The following IP6K1 variants were observed in gnomAD, a reference collection of about 807,000 sequenced individuals.
IP6K1 encodes inositol hexakisphosphate kinase 1, also known as ATP:1D-myo-inositol-hexakisphosphate phosphotransferase.
Under a neutral mutation model 38.3 loss-of-function variants are expected in IP6K1, and 13 were observed. That is an observed-to-expected ratio of 0.34 (90% CI 0.22 to 0.54). The LOEUF (loss-of-function observed/expected upper bound fraction) is 0.54. IP6K1 is among the 20% of genes least tolerant of loss of function. The pLI is 0.92. For synonymous variants in IP6K1, 212 were observed against 229.9 expected (o/e 0.92, Z 0.70); for missense variants, 397 against 599.8 (o/e 0.66, Z 3.53).
intron 1 of IP6K1, among the ~76,000 whole-genome samples, chr3:49,779,447 G>T (rs1230237358): frequency 6.6e-6 from 1 of 152,104 alleles, no homozygotes; most frequent in Non-Finnish European, 1.5e-5. Flanking sequence ...GTTTTTGTGT[G>T]AACATTTGTT....
chr3:49,765,106 A>G (rs543235765), intron 1 of IP6K1, among the ~76,000 whole-genome samples: 8 of 152,186 alleles, frequency 5.3e-5, no homozygotes, highest in Non-Finnish European at 1.0e-4. Flanking sequence ...GATAACATAT[A>G]TAAGTCCTAA....
intron 1 of IP6K1, among the ~76,000 whole-genome samples, chr3:49,774,162 T>A (rs1352694336): frequency 6.6e-6 from 1 of 151,914 alleles, no homozygotes; most frequent in East Asian, 1.9e-4. Flanking sequence ...TCCCAGCACT[T>A]TGGGAGGCCA....
At chr3:49,778,775 A>T (rs1398981340) in intron 1 of IP6K1, among the ~76,000 whole-genome samples, 22 of 152,040 alleles carry the variant, frequency 1.4e-4, no homozygotes, top group Non-Finnish European at 1.5e-5. Context: ...ACAGTCACGC[A>T]CCACCACGCC....
At chr3:49,742,582 TG>T (rs1418365065) in intron 2 of IP6K1, among the ~76,000 whole-genome samples, 4 of 150,644 alleles carry the variant, frequency 2.7e-5, no homozygotes, top group African/African-American at 9.8e-5. Flanking sequence ...AGAAGCATAG[TG>T]GAAGATATTA....
chr3:49,774,014 CACACAA>C (rs754483135), intron 1 of IP6K1, among the ~76,000 whole-genome samples: 144 of 141,726 alleles, frequency 1.0e-3, no homozygotes, highest in Admixed American at 1.6e-3. Context: ...CACACACACA[CACACAA>C]CACACACATA....
In IP6K1 at chr3:49,757,125, C is replaced by A. The variant is rs538816135; in HGVS notation, c.-128-8957G>T. On this transcript the variant is annotated intron_variant, in intron 1 of 5. Coordinates refer to ENST00000321599, the MANE Select transcript of IP6K1 (RefSeq NM_153273.4). Reference sequence around the variant, plus strand: ...AACTGCTCACATGTGAAATGATGAGCCTCCTGGACTTATTTCCTATCACCA... The same window carrying A: ...AACTGCTCACATGTGAAATGATGAGACTCCTGGACTTATTTCCTATCACCA... 2.0e-5 allele frequency among the ~76,000 whole-genome samples: 3 copies of A among 152,308 alleles called. No homozygotes were observed. The South Asian group carries it at 6.2e-4, about 32-fold the overall frequency.
intron 1 of IP6K1, chr3:49,785,880 C>T (rs552189175): frequency 7.1e-4 from 108 of 152,368 alleles, no homozygotes; most frequent in African/African-American, 2.5e-3. Context: ...TTGCCATAAT[C>T]ATAGGGCCGT....
At position 49,755,098 on chromosome 3, in the gene IP6K1, T is replaced by C. The variant is rs1362620518; in HGVS notation, c.-128-6930A>G. The stretch of plus-strand genomic sequence containing the variant: ...CAGGTGTGTGCCACCAAGCCTGGCT[T>C]TTTTTTTTTTTTTTTTTTTGTAGAG... On this transcript the variant is annotated intron_variant, in intron 1 of 5. Coordinates refer to ENST00000321599, the MANE Select transcript of IP6K1 (RefSeq NM_153273.4). Among the ~76,000 whole-genome samples, 13 of 143,172 alleles carry C rather than the reference T, an allele frequency of 9.1e-5. No individual in the cohort carries two copies. In the East Asian group the frequency reaches 2.6e-3, roughly 29 times the overall value. The allele number at this position is 143,172 out of a possible 152,430, so 93.9% of individuals were successfully genotyped here.
intron 1 of IP6K1, chr3:49,775,269 G>A (rs760847535): frequency 5.3e-5 from 11 of 207,272 alleles, no homozygotes; most frequent in South Asian, 1.1e-4. Flanking sequence ...TCTAGCGGCC[G>A]GCTTCATTGG....
rs374592396 is a variant in IP6K1 at position 49,728,196 on chromosome 3, G to A, written c.699C>T (p.Gly233=). 5.6e-6 allele frequency: 9 copies of A among 1,614,070 alleles called. No homozygotes were observed. Among genetic ancestry groups the A allele is most frequent in the South Asian group, 4.4e-5 (4 of 91,082 alleles). ...CTGCCTTCTCAGCTGACGCGTCATC[G>A]CCATGCTGCCGCGTGCCCATCTTCA... ...LDLKMGTRQH[G]DDASAEKAAR... The change falls in exon 5 of 6, where the codon GGC becomes GGT. Residue 233 remains glycine, a synonymous_variant. Coordinates refer to ENST00000321599, the MANE Select transcript of IP6K1 (RefSeq NM_153273.4).
At position 49,732,915 on chromosome 3, in the gene IP6K1, G is replaced by C; in HGVS notation, c.492C>G (p.Phe164Leu). ...VELHSHSEVP[F>L]QMLDGNSGLS... ...AGCCACTGTTGCCATCTAGCATCTGGAAAGGGACCTCTGAGTGGCTGTGCA... is the reference window on the plus strand; with the variant it reads ...AGCCACTGTTGCCATCTAGCATCTGCAAAGGGACCTCTGAGTGGCTGTGCA... Residue 164 changes from phenylalanine (F) to leucine (L), a missense_variant, in exon 4 of 6, where the codon TTC becomes TTG. Physicochemically the swap from Phe to Leu is conservative, Grantham distance 22 (BLOSUM62 0). This residue lies in a region of IP6K1 where 171 missense variants were observed against 237.0 expected (regional missense o/e 0.72). Coordinates refer to ENST00000321599, the MANE Select transcript of IP6K1 (RefSeq NM_153273.4). 1 of 1,614,136 alleles carries C rather than the reference G, an allele frequency of 6.2e-7. No homozygotes were observed. Among genetic ancestry groups the C allele is most frequent in the Non-Finnish European group, 8.5e-7 (1 of 1,179,986 alleles).
At chr3:49,753,733 G>C (rs1309892427) in intron 1 of IP6K1, among the ~76,000 whole-genome samples, 1 of 152,122 alleles carries the variant, frequency 6.6e-6, no homozygotes, top group Non-Finnish European at 1.5e-5. Context: ...AACCAAAAAA[G>C]TTTACATTTC....
intron 1 of IP6K1, among the ~76,000 whole-genome samples, chr3:49,780,802 A>G (rs907601968): frequency 3.9e-5 from 6 of 152,196 alleles, no homozygotes; most frequent in Non-Finnish European, 5.9e-5. Context: ...ATAAAGCACT[A>G]GAGTTAACAT....
chr3:49,729,949 G>A (rs1379911214), intron 4 of IP6K1, among the ~76,000 whole-genome samples: 1 of 151,850 alleles, frequency 6.6e-6, no homozygotes, highest in African/African-American at 2.4e-5. Flanking sequence ...CTGTAGTGCA[G>A]TGGTGCAATC....
intron 3 of IP6K1, 108 bp from the exon 4 acceptor site, chr3:49,733,080 G>T: frequency 1.4e-6 from 1 of 732,920 alleles, no homozygotes; most frequent in Non-Finnish European, 2.2e-6. Flanking sequence ...CACAGACCCT[G>T]CTAATGGGTT....
chr3:49,727,971 G>T lies in IP6K1; in HGVS notation c.792+132C>A. 1.2e-6 allele frequency: 1 copy of T among 854,982 alleles called. No homozygotes were observed. Among genetic ancestry groups the T allele is most frequent in the Non-Finnish European group, 1.9e-6 (1 of 539,448 alleles). The allele number at this position is 854,982 out of a possible 1,614,324, so 53.0% of individuals were successfully genotyped here. A position where few individuals can be genotyped will look rare whatever the true frequency, so the allele number is the denominator to read the frequency against. Reference sequence around the variant, plus strand: ...CTCTCACAGTGGTCCTGCACCTGAGGCCCATATCAAAGTCAACAGGTAAGG... The same window carrying T: ...CTCTCACAGTGGTCCTGCACCTGAGTCCCATATCAAAGTCAACAGGTAAGG... On this transcript the variant is annotated intron_variant, in intron 5 of 5. Transcript: ENST00000321599. This position sits in a 1 kb window ranked among gnomAD's most constrained non-coding sequence, Gnocchi z 5.9.
intron 1 of IP6K1, among the ~76,000 whole-genome samples, chr3:49,767,650 A>G (rs2080923395): frequency 1.3e-5 from 2 of 152,140 alleles, no homozygotes; most frequent in Admixed American, 6.6e-5. Context: ...TCATACCTGT[A>G]ATCTCAACAC....
At position 49,724,612 on chromosome 3, in the gene IP6K1, A is replaced by G. The variant is rs2080479357; in HGVS notation, c.*2510T>C. On this transcript the variant is annotated 3_prime_UTR_variant, in exon 6 of 6. Transcript: ENST00000321599. Reference sequence around the variant, plus strand: ...ATTAAAATATATTTTAAGTCAGCACAAACATAACCAAATTGTACAGCTTTA... The same window carrying G: ...ATTAAAATATATTTTAAGTCAGCACGAACATAACCAAATTGTACAGCTTTA... 1 of 152,578 alleles carries G rather than the reference A, an allele frequency of 6.6e-6. No individual in the cohort carries two copies. Among genetic ancestry groups the G allele is most frequent in the African/African-American group, 2.4e-5 (1 of 41,468 alleles). 9.5% of individuals were successfully genotyped at this position (152,578 alleles called of 1,614,324 possible). A position where few individuals can be genotyped will look rare whatever the true frequency, so the allele number is the denominator to read the frequency against.
intron 4 of IP6K1, 106 bp downstream of exon 4, chr3:49,732,685 C>A: frequency 3.6e-6 from 3 of 842,786 alleles, no homozygotes; most frequent in Non-Finnish European, 5.4e-6. Flanking sequence ...GGAGATTAAA[C>A]CGAAGAGGGA....
Sources: allele counts gnomAD v4.1 joint callset (sites outside exome capture counted in the v4.1 genomes callset), GRCh38; gene constraint gnomAD v4.1.1; regional missense constraint gnomAD v4.1.1; non-coding constraint Gnocchi (gnomAD v3.1); transcripts MANE v1.5; gene names NCBI Gene and HGNC (gene_info 2026-07-23, HGNC 2026-07-21).